The following PIR variants were observed in gnomAD, a reference collection of about 807,000 sequenced individuals.
The protein encoded by PIR is pirin, also known as pirin (iron-binding nuclear protein).
PIR carries 22 observed loss-of-function variants against 24.2 expected under a neutral mutation model. The observed-to-expected ratio is 0.91, with a 90% CI of 0.65 to 1.30. PIR has a LOEUF of 1.30. Ranked by LOEUF, PIR falls within the 50% of genes most tolerant of loss-of-function variation. The pLI is 0.00. For synonymous variants in PIR, 80 were observed against 79.6 expected, an observed-to-expected ratio of 1.00 and a Z score of -0.03; for missense variants, 220 against 220.3, an observed-to-expected ratio of 1.00 and a Z score of 0.01.
At chrX:15,407,879 G>A (rs1333031760) in intron 6 of PIR, among the ~76,000 whole-genome samples, 2 of 112,303 alleles carry the variant, frequency 1.8e-5, no homozygotes, top group Admixed American at 1.9e-4. Context: ...CCTTCCAGTT[G>A]TAATGTTATG....
intron 9 of PIR, 193 bp downstream of exon 9, chrX:15,389,991 TA>T (rs1420209504): frequency 1.7e-4 from 45 of 265,671 alleles, no homozygotes; most frequent in South Asian, 4.7e-4. Flanking sequence ...AATGTTTCTT[TA>T]AAAAAAAAGA....
intron 6 of PIR, among the ~76,000 whole-genome samples, chrX:15,421,106 G>A (rs895189964): frequency 1.8e-5 from 2 of 111,924 alleles, no homozygotes; most frequent in Non-Finnish European, 3.8e-5. Flanking sequence ...GAGGACAAGG[G>A]ATTGGAGGAA....
intron 5 of PIR, among the ~76,000 whole-genome samples, chrX:15,430,773 T>C (rs1204750649): frequency 8.9e-6 from 1 of 111,888 alleles, no homozygotes; most frequent in Non-Finnish European, 1.9e-5. Context: ...TGAAATCACT[T>C]CCACATGGAA....
chrX:15,423,028 T>A (rs143871586), intron 6 of PIR, among the ~76,000 whole-genome samples: 1 of 111,872 alleles, frequency 8.9e-6, no homozygotes, highest in Non-Finnish European at 1.9e-5. Flanking sequence ...CACTGAGGAA[T>A]AGACAGTCTT....
intron 3 of PIR, among the ~76,000 whole-genome samples, chrX:15,473,003 T>C (rs1922005476): frequency 1.8e-5 from 2 of 112,659 alleles, no homozygotes; most frequent in Non-Finnish European, 3.7e-5. Flanking sequence ...TTGCTTTTTA[T>C]ATAAATGCTA....
intron 3 of PIR, among the ~76,000 whole-genome samples, chrX:15,475,218 G>A (rs1343486137): frequency 2.7e-5 from 3 of 111,049 alleles, no homozygotes; most frequent in African/African-American, 6.6e-5. Context: ...GGCATTGCAC[G>A]CAAACACTGT....
At chrX:15,416,817 C>T (rs1166723679) in intron 6 of PIR, among the ~76,000 whole-genome samples, 1 of 112,274 alleles carries the variant, frequency 8.9e-6, no homozygotes, top group African/African-American at 3.2e-5. Context: ...AGAGAGCAGA[C>T]TCTAGCCAGC....
At chrX:15,455,332 A>G (rs1030140118) in intron 5 of PIR, among the ~76,000 whole-genome samples, 1 of 112,983 alleles carries the variant, frequency 8.9e-6, no homozygotes, top group African/African-American at 3.2e-5. Flanking sequence ...AAGAATGTAC[A>G]GGGCATGTCG....
chrX:15,397,330 T>C (rs1924197626), intron 8 of PIR, 119 bp downstream of exon 8: 1 of 520,697 alleles, frequency 1.9e-6, no homozygotes, highest in Non-Finnish European at 3.5e-6. Context: ...AAACTTCTGG[T>C]ATAATTTCTT....
chrX:15,461,655 C>T (rs188476502), intron 3 of PIR, among the ~76,000 whole-genome samples: 2 of 111,040 alleles, frequency 1.8e-5, no homozygotes, highest in African/African-American at 6.6e-5. Flanking sequence ...TGGTGGCAGG[C>T]GCCTGTAATC....
chrX:15,454,028 AGG>A (rs1181042664), intron 5 of PIR, among the ~76,000 whole-genome samples: 1 of 111,631 alleles, frequency 9.0e-6, no homozygotes, highest in Non-Finnish European at 1.9e-5. Flanking sequence ...TATCCCCTAA[AGG>A]CATGTCCCTA....
intron 3 of PIR, among the ~76,000 whole-genome samples, chrX:15,471,560 T>C (rs771564489): frequency 1.8e-5 from 2 of 111,384 alleles, no homozygotes; most frequent in South Asian, 7.6e-4. Flanking sequence ...TCCTTCCACA[T>C]CCCATTTGTA....
intron 3 of PIR, among the ~76,000 whole-genome samples, chrX:15,470,271 C>T (rs931429878): frequency 8.1e-5 from 9 of 111,513 alleles, no homozygotes; most frequent in African/African-American, 2.3e-4. Context: ...TTACAGGTAA[C>T]GTATCAACAT....
At chrX:15,463,275 T>C (rs962003118) in intron 3 of PIR, among the ~76,000 whole-genome samples, 4 of 112,172 alleles carry the variant, frequency 3.6e-5, no homozygotes, top group Non-Finnish European at 5.6e-5. Context: ...CTGCCATCTT[T>C]CTTACTCCTT....
chrX:15,397,474 C>T lies in PIR; in HGVS notation c.668G>A (p.Gly223Asp), dbSNP rs148750447. The part of the protein sequence containing the change: ...EPHHTAVLGE[G>D]DSVQVENKDP... ...CTTGTTCTCCACCTGGACACTGTCA[C>T]CTTCTCCAAGCACTGCTGTGTGATG... Residue 223 changes from glycine (G) to aspartate (D), a missense_variant, in exon 8 of 10, where the codon GGT becomes GAT. Coordinates refer to ENST00000380420, the MANE Select transcript of PIR (RefSeq NM_001018109.3). The T allele has an allele frequency of 9.1e-6, 11 of 1,203,889 alleles. No individual in the cohort carries two copies. The African/African-American group carries it at 1.1e-4, about 11-fold the overall frequency.
intron 5 of PIR, among the ~76,000 whole-genome samples, chrX:15,443,196 G>C (rs1038346585): frequency 5.4e-5 from 6 of 112,007 alleles, no homozygotes; most frequent in Non-Finnish European, 1.1e-4. Flanking sequence ...TACACTACTT[G>C]TGTTCTAGAA....
intron 3 of PIR, among the ~76,000 whole-genome samples, chrX:15,473,160 T>G (rs2147074756): frequency 8.9e-6 from 1 of 112,147 alleles, no homozygotes; most frequent in South Asian, 3.7e-4. Context: ...TTTAAAGTAC[T>G]GGTTCTCAGC....
chrX:15,406,870 T>C (rs1309004526), intron 7 of PIR, among the ~76,000 whole-genome samples: 3 of 112,048 alleles, frequency 2.7e-5, no homozygotes, highest in Non-Finnish European at 5.6e-5. Flanking sequence ...GCATTGTCAT[T>C]GGACAAAAGG....
intron 4 of PIR, among the ~76,000 whole-genome samples, chrX:15,456,772 C>T (rs1399346060): frequency 8.9e-6 from 1 of 112,564 alleles, no homozygotes; most frequent in East Asian, 2.8e-4. Flanking sequence ...TGTATCTGTA[C>T]TTGCTCAGTT....
Sources: gnomAD v4.1 joint callset for allele counts (sites outside exome capture counted in the v4.1 genomes callset) on GRCh38, gnomAD v4.1.1 for gene constraint, MANE v1.5 for transcripts, NCBI Gene and HGNC (gene_info 2026-07-23, HGNC 2026-07-21) for gene names.